The following CNTN3 variants were observed in gnomAD, a reference collection of about 807,000 sequenced individuals.
CNTN3 encodes contactin-3.
CNTN3 carries 60 observed loss-of-function variants against 119.1 expected under a neutral mutation model. The ratio of observed to expected loss-of-function variants is 0.50; its 90% CI spans 0.41 to 0.62. The LOEUF (loss-of-function observed/expected upper bound fraction) is 0.62, where lower values mean the gene tolerates loss of function less well. Ranked by LOEUF, CNTN3 falls within the 20% of genes least tolerant of loss-of-function variation. The pLI is 0.00. For synonymous variants in CNTN3, 450 were observed against 438.7 expected, an observed-to-expected ratio of 1.03 and a Z score of -0.32; for missense variants, 1,101 against 1,242.4, an observed-to-expected ratio of 0.89 and a Z score of 1.71.
intron 1 of CNTN3, among the ~76,000 whole-genome samples, chr3:74,544,780 A>G (rs1703890950): frequency 6.6e-6 from 1 of 152,014 alleles, no homozygotes; most frequent in African/African-American, 2.4e-5. Context: ...TTGTATTTTT[A>G]GTAGAGACAG....
intron 1 of CNTN3, among the ~76,000 whole-genome samples, chr3:74,545,119 C>A (rs1319016311): frequency 6.6e-6 from 1 of 151,834 alleles, no homozygotes; most frequent in African/African-American, 2.4e-5. Context: ...TTTCAAATAC[C>A]CTTTGGTATT....
intron 1 of CNTN3, among the ~76,000 whole-genome samples, chr3:74,613,430 G>C (rs1705115592): frequency 6.6e-6 from 1 of 152,122 alleles, no homozygotes. Flanking sequence ...ATCTTGGGTT[G>C]AGGTTAGCAG....
At chr3:74,584,040 C>G (rs1212534509) in intron 1 of CNTN3, among the ~76,000 whole-genome samples, 3 of 152,038 alleles carry the variant, frequency 2.0e-5, no homozygotes, top group Non-Finnish European at 4.4e-5. Context: ...ATTTCTTTCC[C>G]ACATAAACAC....
chr3:74,601,394 T>C lies in CNTN3; in HGVS notation c.-81+12997A>G, dbSNP rs566096541. Among the ~76,000 whole-genome samples the C allele has an allele frequency of 4.6e-5, 7 of 152,186 alleles. No individual in the cohort carries two copies. The East Asian group carries it at 1.4e-3, about 30-fold the overall frequency. The stretch of plus-strand genomic sequence containing the variant: ...TCTTCACTACATTTCCAAATACATA[T>C]CTGAGTTCTTTTAATTGAACGGTAC... On this transcript the variant is annotated intron_variant, in intron 1 of 22. Transcript: ENST00000263665.
At chr3:74,449,826 C>G (rs1702115101) in intron 4 of CNTN3, among the ~76,000 whole-genome samples, 1 of 152,082 alleles carries the variant, frequency 6.6e-6, no homozygotes, top group South Asian at 2.1e-4. Context: ...TCAAAAATAT[C>G]TACACAGAAA....
intron 3 of CNTN3, among the ~76,000 whole-genome samples, chr3:74,488,287 G>T (rs1319770552): frequency 6.6e-6 from 1 of 151,714 alleles, no homozygotes; most frequent in Non-Finnish European, 1.5e-5. Flanking sequence ...TAATTTTTTT[G>T]TATTTTTAGT....
chr3:74,487,955 T>A (rs1360408617), intron 3 of CNTN3, among the ~76,000 whole-genome samples: 1 of 149,634 alleles, frequency 6.7e-6, no homozygotes, highest in African/African-American at 2.4e-5. Flanking sequence ...ACTTACATTA[T>A]AATGTATAAT....
intron 5 of CNTN3, among the ~76,000 whole-genome samples, chr3:74,416,736 C>T (rs1701528949): frequency 1.3e-5 from 2 of 152,046 alleles, no homozygotes; most frequent in Admixed American, 1.3e-4. Flanking sequence ...ACCTGTAATC[C>T]CAGCACTTTA....
chr3:74,491,527 A>G (rs1702964056), intron 3 of CNTN3, among the ~76,000 whole-genome samples: 1 of 152,022 alleles, frequency 6.6e-6, no homozygotes, highest in Non-Finnish European at 1.5e-5. Flanking sequence ...AAACAAACAA[A>G]CAAAAAAAAC....
intron 20 of CNTN3, among the ~76,000 whole-genome samples, chr3:74,273,124 C>T (rs900758960): frequency 1.3e-5 from 2 of 152,122 alleles, no homozygotes; most frequent in African/African-American, 2.4e-5. Flanking sequence ...GACAATTATA[C>T]AATTAAGTCA....
Position 74,436,587 on chromosome 3 carries a change from CA to C in CNTN3, c.359-11648del, listed in dbSNP as rs964271852. ...TTCACTGAAATTATTAGAAAAATAC[CA>C]AAAAAGTGATGAAATATGAATATGA... is the stretch of plus-strand genomic sequence containing the variant. On this transcript the variant is annotated intron_variant, in intron 4 of 22. Transcript: ENST00000263665. Among the ~76,000 whole-genome samples the C allele has an allele frequency of 7.3e-5, 11 of 151,708 alleles. No homozygotes were observed. The East Asian group carries it at 2.1e-3, about 29-fold the overall frequency.
intron 1 of CNTN3, among the ~76,000 whole-genome samples, chr3:74,588,637 C>T (rs565049303): frequency 3.9e-5 from 6 of 151,954 alleles, no homozygotes; most frequent in East Asian, 1.9e-4. Flanking sequence ...AAAAAGAGCC[C>T]GCATCACCAA....
At chr3:74,562,634 C>T (rs1034000545) in intron 1 of CNTN3, among the ~76,000 whole-genome samples, 1 of 152,088 alleles carries the variant, frequency 6.6e-6, no homozygotes, top group Non-Finnish European at 1.5e-5. Context: ...ATCTTGGAAA[C>T]ACTGCCTGCA....
chr3:74,588,885 G>A (rs1287001127), intron 1 of CNTN3, among the ~76,000 whole-genome samples: 1 of 152,090 alleles, frequency 6.6e-6, no homozygotes, highest in African/African-American at 2.4e-5. Flanking sequence ...AATGGTGGTG[G>A]GAAAACTGGC....
intron 1 of CNTN3, among the ~76,000 whole-genome samples, chr3:74,570,581 C>T (rs1320477343): frequency 6.6e-6 from 1 of 150,882 alleles, no homozygotes; most frequent in African/African-American, 2.4e-5. Context: ...GGATGACTGG[C>T]AGTGCCCTAG....
intron 2 of CNTN3, among the ~76,000 whole-genome samples, chr3:74,506,477 G>A (rs914576970): frequency 6.6e-5 from 10 of 152,056 alleles, no homozygotes; most frequent in African/African-American, 9.7e-5. Flanking sequence ...GGAGTCTTGG[G>A]AGATTAAAAT....
chr3:74,509,841 T>C (rs1235144127), intron 2 of CNTN3, among the ~76,000 whole-genome samples: 2 of 152,092 alleles, frequency 1.3e-5, no homozygotes, highest in Admixed American at 1.3e-4. Flanking sequence ...TTCCTCATTC[T>C]GAATTCCTAG....
At chr3:74,310,850 C>T (rs180797274) in intron 13 of CNTN3, among the ~76,000 whole-genome samples, 7 of 152,300 alleles carry the variant, frequency 4.6e-5, no homozygotes, top group Non-Finnish European at 7.3e-5. Context: ...CAATCTGCCA[C>T]AGCCTTCCAG....
intron 13 of CNTN3, among the ~76,000 whole-genome samples, chr3:74,324,455 T>C (rs557546543): frequency 3.9e-5 from 6 of 152,140 alleles, no homozygotes; most frequent in Non-Finnish European, 8.8e-5. Flanking sequence ...AGTGCTGGAA[T>C]TACAGGCTGA....
Sources: allele counts gnomAD v4.1 joint callset (sites outside exome capture counted in the v4.1 genomes callset), GRCh38; gene constraint gnomAD v4.1.1; transcripts MANE v1.5; gene names NCBI Gene and HGNC (gene_info 2026-07-23, HGNC 2026-07-21).